Variants in PACS2 observed in about 807,000 individuals in gnomAD.
PACS2 encodes PACS1-like protein.
In PACS2, 36 loss-of-function variants were observed where a neutral mutation model predicts 113.0. That is an observed-to-expected ratio of 0.32 (90% CI 0.24 to 0.42). The LOEUF (loss-of-function observed/expected upper bound fraction) is 0.42, where lower values mean the gene tolerates loss of function less well. Among genes scored for constraint, PACS2 ranks in the 10% least tolerant of loss-of-function variants. The pLI, the probability that PACS2 is intolerant of heterozygous loss-of-function variation, is 1.00. For synonymous variants in PACS2, 589 were observed against 536.1 expected, an observed-to-expected ratio of 1.10 and a Z score of -1.36; for missense variants, 1,015 against 1,239.5, an observed-to-expected ratio of 0.82 and a Z score of 2.72.
chr14:105,307,743 TAAG>T (rs1046358908), intron 1 of PACS2, among the ~76,000 whole-genome samples: 1 of 152,228 alleles, frequency 6.6e-6, no homozygotes, highest in African/African-American at 2.4e-5. Flanking sequence ...ATAACAGGGA[TAAG>T]AATAGCCCAC....
At chr14:105,327,535 T>C (rs587630733) in intron 1 of PACS2, among the ~76,000 whole-genome samples, 6 of 152,250 alleles carry the variant, frequency 3.9e-5, no homozygotes, top group Admixed American at 3.9e-4. Flanking sequence ...TCACAGCAGG[T>C]GTCTGCCGCT....
At chr14:105,310,686 C>T (rs910238286), upstream of PACS2, among the ~76,000 whole-genome samples, 37 of 152,078 alleles carry the variant, frequency 2.4e-4, no homozygotes, top group African/African-American at 7.7e-4. Context: ...AGATGGCGCC[C>T]GGCTCTCCAG....
intron 1 of PACS2, among the ~76,000 whole-genome samples, chr14:105,326,527 T>TCAGG (rs1364575483): frequency 6.6e-6 from 1 of 152,202 alleles, no homozygotes; most frequent in East Asian, 1.9e-4. Flanking sequence ...GGCTCAGGCT[T>TCAGG]CAGGCAGTGC....
intron 6 of PACS2, among the ~76,000 whole-genome samples, 155 bp from the exon 7 acceptor site, chr14:105,368,304 G>A (rs1240409930): frequency 6.6e-6 from 1 of 152,188 alleles, no homozygotes; most frequent in African/African-American, 2.4e-5. Context: ...CCCGACCCCA[G>A]GGGCCCGAGT....
At chr14:105,378,585 T>G (rs1178240698) in intron 9 of PACS2, among the ~76,000 whole-genome samples, 8 of 152,212 alleles carry the variant, frequency 5.3e-5, no homozygotes, top group Non-Finnish European at 8.8e-5. Context: ...AATTTTTATA[T>G]TTTTGTAGAG....
intron 24 of PACS2, 184 bp downstream of exon 24, chr14:105,393,519 G>A (rs1378244197): frequency 2.1e-6 from 1 of 468,678 alleles, no homozygotes; most frequent in Non-Finnish European, 3.7e-6. Context: ...TGCTGAGAAA[G>A]AATTTTTTTT....
Position 105,330,478 on chromosome 14 carries a change from G to A in PACS2, c.119+15441G>A, listed in dbSNP as rs1363052099. On this transcript the variant is annotated intron_variant, in intron 1 of 24. Transcript: ENST00000447393. The surrounding 1 kb of genome is among the most constrained non-coding windows in gnomAD (Gnocchi z 6.9). ...CACAGGGGAAGGTTACTGTGCCGCA[G>A]AGTTTTCTTTCCGAGCACTCAATGC... Among the ~76,000 whole-genome samples the A allele has an allele frequency of 2.0e-5, 3 of 152,206 alleles. No homozygotes were observed. Among genetic ancestry groups the A allele is most frequent in the Non-Finnish European group, 4.4e-5 (3 of 68,028 alleles).
At chr14:105,389,717 T>C (rs2081292257) in intron 19 of PACS2, 1 of 566,104 alleles carries the variant, frequency 1.8e-6, no homozygotes, top group African/African-American at 1.9e-5. Flanking sequence ...AGAGACCCCT[T>C]TGTCCTTCCA....
rs1358290720 is a variant in PACS2, at chr14:105,365,073, C to G, written c.424-2140C>G. Among the ~76,000 whole-genome samples, 1 of 152,226 alleles carries G rather than the reference C, an allele frequency of 6.6e-6. No individual in the cohort carries two copies. The highest frequency in any genetic ancestry group is 1.5e-5 in the Non-Finnish European group (1 of 68,032). ...CTGTCAGGGTCAGGGGTGGAGGGAG[C>G]TGGGCCCTGGGGCCACCCTCCCTGG... On this transcript the variant is annotated intron_variant, in intron 4 of 24. Coordinates refer to ENST00000447393, the MANE Select transcript of PACS2 (RefSeq NM_001100913.3). The surrounding 1 kb of genome is among the most constrained non-coding windows in gnomAD (Gnocchi z 5.1).
chr14:105,355,214 G>GCC lies in PACS2; in HGVS notation c.423+38_423+39dup. On this transcript the variant is annotated intron_variant, in intron 4 of 24. Transcript: ENST00000447393. The surrounding 1 kb of genome is among the most constrained non-coding windows in gnomAD (Gnocchi z 4.1). ...GTCTGGCGTGGCCTGCGTCGGGCTG[G>GCC]CCACCTGGGTGCCAGAGCATTCGCC... is the stretch of plus-strand genomic sequence containing the variant. The GCC allele has an allele frequency of 6.3e-7, 1 of 1,599,258 alleles. No homozygotes were observed. Among genetic ancestry groups the GCC allele is most frequent in the Non-Finnish European group, 8.5e-7 (1 of 1,172,606 alleles).
chr14:105,367,751 C>T (rs782168435), intron 5 of PACS2, among the ~76,000 whole-genome samples: 44 of 152,238 alleles, frequency 2.9e-4, no homozygotes, highest in South Asian at 2.1e-4. Flanking sequence ...ACTCCTCAGG[C>T]GGGGGAGACC....
At chr14:105,331,113 C>G (rs965345133) in intron 1 of PACS2, among the ~76,000 whole-genome samples, 1 of 152,148 alleles carries the variant, frequency 6.6e-6, no homozygotes, top group African/African-American at 2.4e-5. Flanking sequence ...CACCGTCACA[C>G]CCAGCTAATT....
chr14:105,301,732 C>G (rs937044516), intron 1 of PACS2, among the ~76,000 whole-genome samples: 1 of 152,264 alleles, frequency 6.6e-6, no homozygotes, highest in African/African-American at 2.4e-5. Flanking sequence ...TGAGTCACCT[C>G]GCTGTGCCCC....
chr14:105,362,793 G>A (rs1364503441), intron 4 of PACS2, among the ~76,000 whole-genome samples: 5 of 152,242 alleles, frequency 3.3e-5, no homozygotes, highest in Admixed American at 1.3e-4. Flanking sequence ...AGAGGTTGTA[G>A]TGAGCCAAGA....
chr14:105,310,616 C>T (rs145394696), upstream of PACS2, among the ~76,000 whole-genome samples: 1,480 of 150,900 alleles, frequency 9.8e-3, 11 homozygotes, highest in Middle Eastern at 0.042. Context: ...TAGTTTGTTG[C>T]GTTGGGTGAG....
At chr14:105,327,127 C>A (rs2059142506) in intron 1 of PACS2, among the ~76,000 whole-genome samples, 1 of 152,228 alleles carries the variant, frequency 6.6e-6, no homozygotes, top group Non-Finnish European at 1.5e-5. Flanking sequence ...GAGGTGTCAG[C>A]TTTGGGCGTG....
chr14:105,381,839 C>T (rs587702372), intron 12 of PACS2, 75 bp from the exon 13 acceptor site: 3 of 1,376,048 alleles, frequency 2.2e-6, no homozygotes, highest in Admixed American at 4.4e-5. Context: ...TAGGCCACTG[C>T]AGGCCTGCCC....
At chr14:105,364,330 C>CACCATCCAGGCTTGCTGCGATGTT (rs2060850628) in intron 4 of PACS2, among the ~76,000 whole-genome samples, 1 of 118,482 alleles carries the variant, frequency 8.4e-6, no homozygotes. Context: ...CGGTGGGCGG[C>CACCATCCAGGCTTGCTGCGATGTT]GGCCCGGGGG....
intron 15 of PACS2, 127 bp downstream of exon 15, chr14:105,383,040 G>A: frequency 3.0e-6 from 2 of 657,634 alleles, no homozygotes; most frequent in Non-Finnish European, 5.4e-6. Flanking sequence ...GTCCACAGAG[G>A]CTGACCCATG....
Sources: allele counts gnomAD v4.1 joint callset (sites outside exome capture counted in the v4.1 genomes callset), GRCh38; gene constraint gnomAD v4.1.1; non-coding constraint Gnocchi (gnomAD v3.1); transcripts MANE v1.5; gene names NCBI Gene and HGNC (gene_info 2026-07-23, HGNC 2026-07-21).